The following RAD1 variants were observed in gnomAD, a reference collection of about 807,000 sequenced individuals.
RAD1 encodes RAD1 checkpoint DNA exonuclease.
In RAD1, 21 loss-of-function variants were observed where a neutral mutation model predicts 30.0. The ratio of observed to expected loss-of-function variants is 0.70; its 90% CI spans 0.50 to 1.01. The LOEUF is 1.01. Ranked by LOEUF, RAD1 falls within the 50% of genes least tolerant of loss-of-function variation. The pLI is 0.00. For synonymous variants in RAD1, 109 were observed against 113.6 expected, an observed-to-expected ratio of 0.96 and a Z score of 0.26; for missense variants, 329 against 329.0, an observed-to-expected ratio of 1.00 and a Z score of 0.00.
In RAD1 at chr5:34,908,630, T is replaced by C; in HGVS notation, c.*135A>G. On this transcript the variant is annotated 3_prime_UTR_variant, in exon 6 of 6. Transcript: ENST00000382038. ...AAAACATAGTAACTATTAGGGTACATGACCTTGCTCCTATCTTCCCCATTG... is the reference window on the plus strand; with the variant it reads ...AAAACATAGTAACTATTAGGGTACACGACCTTGCTCCTATCTTCCCCATTG... The C allele has an allele frequency of 2.8e-6, 2 of 723,178 alleles. No homozygotes were observed. Among genetic ancestry groups the C allele is most frequent in the East Asian group, 5.3e-5 (2 of 37,384 alleles). 44.8% of individuals were successfully genotyped at this position (723,178 alleles called of 1,614,324 possible). A position where few individuals can be genotyped will look rare whatever the true frequency, so the allele number is the denominator to read the frequency against.
rs202098199 is a variant in RAD1 at position 34,913,500 on chromosome 5, A to C, written c.277T>G (p.Leu93Val). 1.4e-4 allele frequency: 218 copies of C among 1,596,074 alleles called. No individual in the cohort carries two copies. Among genetic ancestry groups the C allele is most frequent in the Non-Finnish European group, 1.7e-4 (201 of 1,168,760 alleles). ...ATAGGACTTGATCCAAAAATAGATA[A>C]ACAGTCTAAAAGGACAGTTAAATTA... ...RINLTVLLDC[L>V]SIFGSSPMPG... The change falls in exon 3 of 6, where the codon TTA becomes GTA. Residue 93 changes from leucine (L) to valine (V), a missense_variant. By Grantham distance (32) the Leu-to-Val change is conservative (BLOSUM62 1). Coordinates refer to ENST00000382038, the MANE Select transcript of RAD1 (RefSeq NM_002853.4).
chr5:34,910,377 G>A (rs916532514), intron 4 of RAD1, among the ~76,000 whole-genome samples: 4 of 151,532 alleles, frequency 2.6e-5, no homozygotes, highest in Non-Finnish European at 5.9e-5. Flanking sequence ...CAGACCTTGA[G>A]CCAAATTTTT....
At chr5:34,909,626 C>T (rs1033297291) in intron 4 of RAD1, among the ~76,000 whole-genome samples, 23 of 152,158 alleles carry the variant, frequency 1.5e-4, no homozygotes, top group Non-Finnish European at 2.1e-4. Flanking sequence ...CTGAAAATGA[C>T]TTTTCCTCAT....
At chr5:34,914,246 A>C (rs1763962885) in intron 2 of RAD1, among the ~76,000 whole-genome samples, 1 of 152,380 alleles carries the variant, frequency 6.6e-6, no homozygotes, top group South Asian at 2.1e-4. Flanking sequence ...TTCTGGAAAC[A>C]AATATTCAGC....
chr5:34,911,425 G>C (rs907272287), intron 4 of RAD1, 129 bp downstream of exon 4: 2 of 1,128,510 alleles, frequency 1.8e-6, no homozygotes, highest in African/African-American at 1.6e-5. Flanking sequence ...TGAGGTAAGA[G>C]TACAAGCTGT....
In RAD1 at chr5:34,908,826, T is replaced by C; in HGVS notation, c.788A>G (p.Gln263Arg). The change falls in exon 6 of 6, where the codon CAA becomes CGA. Residue 263 changes from glutamine (Q) to arginine (R), a missense_variant. Transcript: ENST00000382038. ...LQYMIRNEDGQICFVEYYCCP... is the reference protein window; with the variant it reads ...LQYMIRNEDGRICFVEYYCCP... The stretch of plus-strand genomic sequence containing the variant: ...GCAGTAATATTCCACAAAACATATT[T>C]GTCCATCTTCATTTCTAATCATATA... 1.2e-6 allele frequency: 2 copies of C among 1,613,142 alleles called. No individual in the cohort carries two copies. Among genetic ancestry groups the C allele is most frequent in the Non-Finnish European group, 1.7e-6 (2 of 1,179,712 alleles).
chr5:34,913,524 T>G lies in RAD1; in HGVS notation c.253A>C (p.Asn85His). The change falls in exon 3 of 6, where the codon AAT becomes CAT. Residue 85 changes from asparagine (N) to histidine (H), a missense_variant. Coordinates refer to ENST00000382038, the MANE Select transcript of RAD1 (RefSeq NM_002853.4). Reference protein sequence around the residue: ...VQEESVTFRINLTVLLDCLSI... With the variant: ...VQEESVTFRIHLTVLLDCLSI... ...AAACAGTCTAAAAGGACAGTTAAAT[T>G]AATTCGAAAAGTAACAGACTCTTCC... 6.2e-7 allele frequency: 1 copy of G among 1,605,012 alleles called. No homozygotes were observed. Among genetic ancestry groups the G allele is most frequent in the East Asian group, 2.2e-5 (1 of 44,738 alleles).
intron 1 of RAD1, 140 bp from the exon 2 acceptor site, chr5:34,915,101 T>A (rs557501948): frequency 5.2e-6 from 3 of 577,330 alleles, no homozygotes; most frequent in Admixed American, 3.1e-5. Context: ...TAACTATCTT[T>A]GTAATTCTGG....
Position 34,913,587 on chromosome 5 carries a change from A to G in RAD1, c.199-9T>C. 6.6e-7 allele frequency: 1 copy of G among 1,520,176 alleles called. No individual in the cohort carries two copies. Among genetic ancestry groups the G allele is most frequent in the African/African-American group, 1.4e-5 (1 of 71,504 alleles). 94.2% of individuals were successfully genotyped at this position (1,520,176 alleles called of 1,614,324 possible). The stretch of plus-strand genomic sequence containing the variant: ...TCCTGAAATATTCCAGCCTATGAAA[A>G]GAGTAAAAATGAAAATTGTTACATA... On this transcript the variant is annotated splice_polypyrimidine_tract_variant and intron_variant, in intron 2 of 5. Transcript: ENST00000382038.
chr5:34,910,124 G>A (rs1763785416), intron 4 of RAD1, among the ~76,000 whole-genome samples: 1 of 151,984 alleles, frequency 6.6e-6, no homozygotes, highest in Non-Finnish European at 1.5e-5. Flanking sequence ...TACATATCCA[G>A]CCACTCCCTA....
intron 4 of RAD1, 82 bp from the exon 5 acceptor site, chr5:34,909,438 A>T: frequency 1.1e-6 from 1 of 930,856 alleles, no homozygotes; most frequent in Admixed American, 2.1e-5. Context: ...CACTTCCTTA[A>T]GAAATTCATA....
At chr5:34,914,594 A>G in intron 2 of RAD1, 101 bp downstream of exon 2, 1 of 1,061,122 alleles carries the variant, frequency 9.4e-7, no homozygotes, top group Non-Finnish European at 1.4e-6. Flanking sequence ...TTGACAAGTT[A>G]TTATGACTAT....
chr5:34,907,706 C>A lies in RAD1; in HGVS notation c.*1059G>T, dbSNP rs1313406190. 1.3e-5 allele frequency: 2 copies of A among 152,096 alleles called. No homozygotes were observed. Among genetic ancestry groups the A allele is most frequent in the Non-Finnish European group, 1.5e-5 (1 of 68,020 alleles). 9.4% of individuals were successfully genotyped at this position (152,096 alleles called of 1,614,324 possible). ...AACAGTTTTGAGAAGAAGAAGAAAA[C>A]CTGTAACACTGAAAATTGCTTTATA... On this transcript the variant is annotated 3_prime_UTR_variant, in exon 6 of 6. Transcript: ENST00000382038.
In RAD1 at chr5:34,914,833, G is replaced by C; in HGVS notation, c.60C>G (p.Ser20Arg). 2 of 1,614,166 alleles carry C rather than the reference G, an allele frequency of 1.2e-6. No homozygotes were observed. Among genetic ancestry groups the C allele is most frequent in the South Asian group, 2.2e-5 (2 of 91,082 alleles). Residue 20 changes from serine (S) to arginine (R), a missense_variant, in exon 2 of 6, where the codon AGC becomes AGG. Transcript: ENST00000382038. ...DEDDQYSLVA[S>R]LDNVRNLSTI... ...TGGAGAGATTCCTAACGTTGTCAAG[G>C]CTGGCCACAAGGCTGTACTGATCAT...
rs541505119 is a variant in RAD1, at chr5:34,912,874, G to A, written c.307+596C>T. On this transcript the variant is annotated intron_variant, in intron 3 of 5. Coordinates refer to ENST00000382038, the MANE Select transcript of RAD1 (RefSeq NM_002853.4). ...AAATTAGCCGGGCGTGGTGGCACGT[G>A]CCTGTAATCCCAGCTACTCGGGAGG... is the stretch of plus-strand genomic sequence containing the variant. Among the ~76,000 whole-genome samples the A allele has an allele frequency of 3.9e-5, 6 of 152,156 alleles. No individual in the cohort carries two copies. In the East Asian group the frequency reaches 1.2e-3, roughly 29 times the overall value.
rs1170321135 is a variant in RAD1 at position 34,907,908 on chromosome 5, T to C, written c.*857A>G. The C allele has an allele frequency of 6.6e-6, 1 of 152,160 alleles. No homozygotes were observed. Among genetic ancestry groups the C allele is most frequent in the East Asian group, 1.9e-4 (1 of 5,192 alleles). 9.4% of individuals were successfully genotyped at this position (152,160 alleles called of 1,614,324 possible). A position where few individuals can be genotyped will look rare whatever the true frequency, so the allele number is the denominator to read the frequency against. On this transcript the variant is annotated 3_prime_UTR_variant, in exon 6 of 6. Transcript: ENST00000382038. The stretch of plus-strand genomic sequence containing the variant: ...AAAAAAAAAGTTTCCTTTAAAACAG[T>C]GGTTCCCAAAATTTAGCAGGCATCA...
chr5:34,913,539 C>G lies in RAD1; in HGVS notation c.238G>C (p.Val80Leu), dbSNP rs1351211343. The change falls in exon 3 of 6, where the codon GTT (valine) becomes CTT (leucine). Residue 80 changes from valine to leucine, a missense_variant. By Grantham distance (32) the Val-to-Leu change is conservative. Coordinates refer to ENST00000382038, the MANE Select transcript of RAD1 (RefSeq NM_002853.4). ...ACAGTTAAATTAATTCGAAAAGTAA[C>G]AGACTCTTCCTGAACTTTAAACTCC... is the stretch of plus-strand genomic sequence containing the variant. Reference protein sequence around the residue: ...FQEFKVQEESVTFRINLTVLL... With the variant: ...FQEFKVQEESLTFRINLTVLL... 6 of 1,603,408 alleles carry G rather than the reference C, an allele frequency of 3.7e-6. No homozygotes were observed. Among genetic ancestry groups the G allele is most frequent in the Non-Finnish European group, 5.1e-6 (6 of 1,174,652 alleles).
chr5:34,908,682 A>G lies in RAD1; in HGVS notation c.*83T>C, dbSNP rs1763728750. On this transcript the variant is annotated 3_prime_UTR_variant, in exon 6 of 6. Coordinates refer to ENST00000382038, the MANE Select transcript of RAD1 (RefSeq NM_002853.4). ...GCTTCTTCTCTATAGAAAATCCAATATGAAATGACAAAGAGTACTGTACTC... is the reference window on the plus strand; with the variant it reads ...GCTTCTTCTCTATAGAAAATCCAATGTGAAATGACAAAGAGTACTGTACTC... The G allele has an allele frequency of 8.0e-7, 1 of 1,257,630 alleles. No homozygotes were observed. Among genetic ancestry groups the G allele is most frequent in the Non-Finnish European group, 1.1e-6 (1 of 907,524 alleles). 77.9% of individuals were successfully genotyped at this position (1,257,630 alleles called of 1,614,324 possible). A position where few individuals can be genotyped will look rare whatever the true frequency, so the allele number is the denominator to read the frequency against.
In RAD1 at chr5:34,909,663, G is replaced by A. The variant is rs188221747; in HGVS notation, c.567-307C>T. On this transcript the variant is annotated intron_variant, in intron 4 of 5. Transcript: ENST00000382038. The stretch of plus-strand genomic sequence containing the variant: ...CTTAAGTCAGAAATATATAACAGGC[G>A]AGAGAATTGAGGACTCATGGAAGAC... 2.6e-5 allele frequency among the ~76,000 whole-genome samples: 4 copies of A among 152,194 alleles called. No homozygotes were observed. The South Asian group carries it at 6.2e-4, about 24-fold the overall frequency.
Sources: allele counts gnomAD v4.1 joint callset (sites outside exome capture counted in the v4.1 genomes callset), GRCh38; gene constraint gnomAD v4.1.1; transcripts MANE v1.5; gene names NCBI Gene and HGNC (gene_info 2026-07-23, HGNC 2026-07-21).